The following P3H2 variants were observed in gnomAD, a reference collection of about 807,000 sequenced individuals.
P3H2 encodes the protein prolyl 3-hydroxylase 2.
A neutral mutation model predicts 87.0 loss-of-function variants in P3H2; 80 were observed. The observed-to-expected ratio is 0.92, with a 90% CI of 0.77 to 1.11. P3H2 has a LOEUF of 1.11. Among genes scored for constraint, P3H2 ranks in the 50% least tolerant of loss-of-function variants. The pLI is 0.00. For missense variants in P3H2, 1,001 were observed against 923.9 expected, an observed-to-expected ratio of 1.08 and a Z score of -1.08; for synonymous variants, 367 against 359.3, an observed-to-expected ratio of 1.02 and a Z score of -0.24.
chr3:189,957,638 T>C lies in P3H2; in HGVS notation c.*274A>G. 2 of 500,348 alleles carry C rather than the reference T, an allele frequency of 4.0e-6. No individual in the cohort carries two copies. The highest frequency in any genetic ancestry group is 2.2e-5 in the South Asian group (1 of 44,792). 31.0% of individuals were successfully genotyped at this position (500,348 alleles called of 1,614,324 possible). A position where few individuals can be genotyped will look rare whatever the true frequency, so the allele number is the denominator to read the frequency against. ...AGTTTGAGGCTCCAGTGTGCTATCATCACATCTGTGAATAGCCACTGCCCT... is the reference window on the plus strand; with the variant it reads ...AGTTTGAGGCTCCAGTGTGCTATCACCACATCTGTGAATAGCCACTGCCCT... On this transcript the variant is annotated 3_prime_UTR_variant, in exon 15 of 15. Transcript: ENST00000319332.
At chr3:190,106,437 T>C (rs971112206) in intron 1 of P3H2, among the ~76,000 whole-genome samples, 1 of 152,168 alleles carries the variant, frequency 6.6e-6, no homozygotes, top group Non-Finnish European at 1.5e-5. Context: ...GTTATAGATG[T>C]AATTATTTTC....
At chr3:190,053,936 T>A (rs1726068261) in intron 1 of P3H2, among the ~76,000 whole-genome samples, 1 of 152,216 alleles carries the variant, frequency 6.6e-6, no homozygotes, top group South Asian at 2.1e-4. Flanking sequence ...TACACATAGG[T>A]CTACAATCTA....
intron 1 of P3H2, among the ~76,000 whole-genome samples, chr3:190,070,297 G>C (rs1726657545): frequency 6.6e-6 from 1 of 152,140 alleles, no homozygotes; most frequent in South Asian, 2.1e-4. Context: ...GGAATTGGTG[G>C]TAAGAGGATA....
intron 1 of P3H2, among the ~76,000 whole-genome samples, chr3:190,080,786 G>C (rs1022200276): frequency 5.9e-5 from 9 of 152,180 alleles, no homozygotes; most frequent in African/African-American, 2.2e-4. Context: ...ACAAACAAAA[G>C]AAAAACATAT....
chr3:189,991,680 T>C (rs917739848), intron 3 of P3H2, among the ~76,000 whole-genome samples: 2 of 152,124 alleles, frequency 1.3e-5, no homozygotes, highest in African/African-American at 4.8e-5. Flanking sequence ...ATTTAAGGAA[T>C]CAAAAAGCAG....
At chr3:190,045,581 AACTAG>A (rs1224038539) in intron 1 of P3H2, among the ~76,000 whole-genome samples, 1 of 152,164 alleles carries the variant, frequency 6.6e-6, no homozygotes, top group African/African-American at 2.4e-5. Flanking sequence ...GTGTCAACTT[AACTAG>A]ACTACAGTCC....
rs56730417 is a variant in P3H2, at chr3:190,010,980, C to T, written c.481-15538G>A. Among the ~76,000 whole-genome samples, 392 of 152,098 alleles carry T rather than the reference C, an allele frequency of 2.6e-3. 1 individual carries two copies. The highest frequency in any genetic ancestry group is 8.8e-3 in the African/African-American group (365 of 41,506). On this transcript the variant is annotated intron_variant, in intron 1 of 14. Transcript: ENST00000319332. ...AAAAGTGACCTTGGTAGACTCATTA[C>T]GACATTAAAACAGAATGGGAAACAA...
At chr3:190,074,533 A>G (rs1028698046) in intron 1 of P3H2, among the ~76,000 whole-genome samples, 5 of 152,070 alleles carry the variant, frequency 3.3e-5, no homozygotes, top group African/African-American at 1.2e-4. Flanking sequence ...ATAAAGTAAA[A>G]TACTATGATT....
At chr3:190,065,562 C>G (rs1213878037) in intron 1 of P3H2, among the ~76,000 whole-genome samples, 1 of 151,868 alleles carries the variant, frequency 6.6e-6, no homozygotes, top group Non-Finnish European at 1.5e-5. Context: ...TTTTTCAGTA[C>G]TGCTCCTATA....
intron 1 of P3H2, among the ~76,000 whole-genome samples, chr3:190,010,363 T>C (rs115508609): frequency 0.026 from 3,971 of 152,302 alleles, 83 homozygotes; most frequent in Middle Eastern, 0.099. Context: ...AAAATTCTTA[T>C]GTACTAACAA....
At chr3:190,063,970 A>C (rs911873226) in intron 1 of P3H2, among the ~76,000 whole-genome samples, 7 of 151,612 alleles carry the variant, frequency 4.6e-5, no homozygotes, top group Non-Finnish European at 7.4e-5. Flanking sequence ...TAAACATTTA[A>C]GAAATCATTT....
chr3:190,008,487 AATT>A (rs2108932791), intron 1 of P3H2, among the ~76,000 whole-genome samples: 1 of 152,282 alleles, frequency 6.6e-6, no homozygotes, highest in African/African-American at 2.4e-5. Context: ...AGCCTAGAAA[AATT>A]ATATCAAATA....
At chr3:189,959,020 G>A (rs1372115803) in intron 14 of P3H2, among the ~76,000 whole-genome samples, 1 of 151,924 alleles carries the variant, frequency 6.6e-6, no homozygotes, top group Non-Finnish European at 1.5e-5. Flanking sequence ...ACCATTGTAA[G>A]CCCTCATCAT....
At chr3:189,970,290 T>C (rs1723138584) in intron 13 of P3H2, among the ~76,000 whole-genome samples, 1 of 140,202 alleles carries the variant, frequency 7.1e-6, no homozygotes, top group South Asian at 2.2e-4. Flanking sequence ...ATATATTATA[T>C]ATATATTTTT....
intron 1 of P3H2, among the ~76,000 whole-genome samples, chr3:190,102,214 T>C (rs778724708): frequency 1.1e-4 from 17 of 152,332 alleles, no homozygotes; most frequent in Non-Finnish European, 2.4e-4. Flanking sequence ...CAGCCTGTAA[T>C]AGAGGAGTAA....
intron 1 of P3H2, among the ~76,000 whole-genome samples, chr3:190,109,850 T>G (rs1233530311): frequency 1.3e-5 from 1 of 76,892 alleles, no homozygotes; most frequent in Non-Finnish European, 3.0e-5. Context: ...CCAGTCTTTT[T>G]TTTTTTTTTT....
intron 1 of P3H2, among the ~76,000 whole-genome samples, chr3:190,066,892 C>G (rs1726527427): frequency 6.6e-6 from 1 of 152,144 alleles, no homozygotes; most frequent in South Asian, 2.1e-4. Flanking sequence ...TCTCCTTCCA[C>G]CTTTCCAGAC....
intron 1 of P3H2, among the ~76,000 whole-genome samples, chr3:190,022,879 T>C (rs954493566): frequency 6.6e-6 from 1 of 152,066 alleles, no homozygotes; most frequent in Admixed American, 6.5e-5. Flanking sequence ...CAGGCCCGAG[T>C]GCAGTGGCGC....
chr3:190,012,480 T>G (rs1481978078), intron 1 of P3H2, among the ~76,000 whole-genome samples: 1 of 152,196 alleles, frequency 6.6e-6, no homozygotes, highest in African/African-American at 2.4e-5. Flanking sequence ...GCTCGTGGTT[T>G]ACCTGCTCAG....
Sources: gnomAD v4.1 joint callset for allele counts (sites outside exome capture counted in the v4.1 genomes callset) on GRCh38, gnomAD v4.1.1 for gene constraint, MANE v1.5 for transcripts, NCBI Gene and HGNC (gene_info 2026-07-23, HGNC 2026-07-21) for gene names.